COQ8A: variants seen among roughly 807,000 people sequenced by gnomAD.
COQ8A encodes coenzyme Q8A, also known as atypical kinase COQ8A, mitochondrial.
Under a neutral mutation model 65.0 loss-of-function variants are expected in COQ8A, and 51 were observed. The ratio of observed to expected loss-of-function variants is 0.78; its 90% confidence interval spans 0.63 to 0.99. The LOEUF (loss-of-function observed/expected upper bound fraction) is 0.99. Among genes scored for constraint, COQ8A ranks in the 50% least tolerant of loss-of-function variants. The pLI is 0.00. For missense variants in COQ8A, 940 were observed against 875.0 expected (o/e 1.07, Z -0.94); for synonymous variants, 371 against 353.2 (o/e 1.05, Z -0.57).
rs1334206335 is a variant in COQ8A, at chr1:226,965,662, T to TC, written c.589-6dup. The TC allele has an allele frequency of 6.2e-7, 1 of 1,613,836 alleles. No individual in the cohort carries two copies. The highest frequency in any genetic ancestry group is 1.3e-5 in the African/African-American group (1 of 74,924). The stretch of plus-strand genomic sequence containing the variant: ...TGATTCCACAGGTCTCTTTCTCGTC[T>TC]CCCTCCAGCTCAGCGAGCATGCCCG... On this transcript the variant is annotated splice_polypyrimidine_tract_variant and intron_variant, in intron 3 of 14. Transcript: ENST00000366777.
At chr1:226,951,002 G>C (rs1193682091) in intron 1 of COQ8A, among the ~76,000 whole-genome samples, 2 of 152,244 alleles carry the variant, frequency 1.3e-5, no homozygotes, top group East Asian at 3.8e-4. Context: ...GTACAGACCT[G>C]TGTGAGGGCC....
At chr1:226,984,259 T>A in intron 11 of COQ8A, 24 bp downstream of exon 11, 1 of 1,612,664 alleles carries the variant, frequency 6.2e-7, no homozygotes, top group Non-Finnish European at 8.5e-7. Flanking sequence ...AGCAGACAGG[T>A]GGGGCCAGGG....
intron 4 of COQ8A, 24 bp from the exon 5 acceptor site, chr1:226,977,425 G>C: frequency 1.3e-6 from 2 of 1,550,510 alleles, no homozygotes; most frequent in South Asian, 2.4e-5. Flanking sequence ...TGAGCACTGA[G>C]TGCCCGCCCC....
In COQ8A at chr1:226,986,482, C is replaced by A; in HGVS notation, c.1689C>A (p.Ile563=). Residue 563 remains isoleucine (I), a synonymous_variant, in exon 15 of 15, where the codon ATC becomes ATA. Coordinates refer to ENST00000366777, the MANE Select transcript of COQ8A (RefSeq NM_020247.5). The stretch of plus-strand genomic sequence containing the variant: ...TGGAAGACGCCCACTTGGATGCCAT[C>A]CTCATCCTGGGGGAGGCCTTCGCCT... ...KVMEDAHLDA[I]LILGEAFASD... 1 of 1,613,304 alleles carries A rather than the reference C, an allele frequency of 6.2e-7. No individual in the cohort carries two copies.
At chr1:226,981,484 G>A (rs985984054) in intron 5 of COQ8A, among the ~76,000 whole-genome samples, 1 of 152,252 alleles carries the variant, frequency 6.6e-6, no homozygotes, top group Non-Finnish European at 1.5e-5. Context: ...GGGCACCCCT[G>A]GGCTGTGCTG....
intron 5 of COQ8A, among the ~76,000 whole-genome samples, chr1:226,978,915 T>C (rs375833619): frequency 1.6e-4 from 16 of 97,976 alleles, no homozygotes; most frequent in African/African-American, 5.0e-4. Context: ...CTGCACCTCC[T>C]TACCCCTCCA....
chr1:226,976,862 T>C (rs889977924), intron 4 of COQ8A, among the ~76,000 whole-genome samples: 3 of 152,068 alleles, frequency 2.0e-5, no homozygotes, highest in Non-Finnish European at 4.4e-5. Flanking sequence ...GAGAGGGCCT[T>C]CCATTACCCA....
At chr1:226,961,696 TCC>T (rs1658264510) in intron 2 of COQ8A, 134 bp downstream of exon 2, 1 of 1,106,634 alleles carries the variant, frequency 9.0e-7, no homozygotes, top group African/African-American at 1.6e-5. Context: ...AGCTAATGTG[TCC>T]CACGGTCCTT....
At chr1:226,957,280 T>TC (rs1572032761) in intron 1 of COQ8A, among the ~76,000 whole-genome samples, 2 of 36,404 alleles carry the variant, frequency 5.5e-5, no homozygotes, top group African/African-American at 1.0e-4. Context: ...ACACTCTCCC[T>TC]GCCCCCCCCC....
chr1:226,978,556 C>T (rs1160942832), intron 5 of COQ8A, among the ~76,000 whole-genome samples: 1 of 96,460 alleles, frequency 1.0e-5, no homozygotes, highest in African/African-American at 2.9e-5. Context: ...TCCACACACC[C>T]CCCACAGCCA....
intron 14 of COQ8A, among the ~76,000 whole-genome samples, chr1:226,986,208 G>A (rs1000952543): frequency 3.9e-5 from 6 of 152,076 alleles, no homozygotes; most frequent in African/African-American, 1.4e-4. Flanking sequence ...GCCACGAGGC[G>A]GGACGCATCC....
At position 226,949,196 on chromosome 1, in the gene COQ8A, G is replaced by A. The variant is rs1341211862; in HGVS notation, c.-10+8797G>A. 6.6e-6 allele frequency among the ~76,000 whole-genome samples: 1 copy of A among 151,896 alleles called. No individual in the cohort carries two copies. Among genetic ancestry groups the A allele is most frequent in the Non-Finnish European group, 1.5e-5 (1 of 68,002 alleles). ...GCGCTCACATGGCTCGCGCGTAGCT[G>A]GAGGCTGGAAAGGAGGCCGGGGGCC... On this transcript the variant is annotated intron_variant, in intron 1 of 14. Transcript: ENST00000366777. The surrounding 1 kb of genome is among the most constrained non-coding windows in gnomAD (Gnocchi z 4.0).
chr1:226,940,476 C>T (rs1484076065), intron 1 of COQ8A, 77 bp downstream of exon 1: 1 of 152,412 alleles, frequency 6.6e-6, no homozygotes. Flanking sequence ...CAACACCCAC[C>T]TCAGCCCTTC....
At chr1:226,970,997 A>G (rs1658874874) in intron 4 of COQ8A, among the ~76,000 whole-genome samples, 1 of 152,028 alleles carries the variant, frequency 6.6e-6, no homozygotes, top group Non-Finnish European at 1.5e-5. Flanking sequence ...CTGGAGTGCA[A>G]TGGCGTGATC....
chr1:226,961,232 C>T (rs2148051162), intron 1 of COQ8A, 145 bp from the exon 2 acceptor site: 6 of 850,322 alleles, frequency 7.1e-6, no homozygotes, highest in Non-Finnish European at 1.1e-5. Flanking sequence ...AGCCCTGGGC[C>T]CTTTCTTATC....
Position 226,986,716 on chromosome 1 carries a change from C to G in COQ8A, c.1923C>G (p.Cys641Trp). The change falls in exon 15 of 15, where the codon TGC (cysteine) becomes TGG (tryptophan). Residue 641 changes from cysteine to tryptophan, a missense_variant. Physicochemically the swap from Cys to Trp is radical, Grantham distance 215. Coordinates refer to ENST00000366777, the MANE Select transcript of COQ8A (RefSeq NM_020247.5). ...AMFEEAYSNY[C>W]KRQAQQ ...TCGAGGAGGCCTACAGCAACTACTG[C>G]AAGAGGCAGGCCCAGCAGTAGGGCT... 6.2e-7 allele frequency: 1 copy of G among 1,613,660 alleles called. No individual in the cohort carries two copies. Among genetic ancestry groups the G allele is most frequent in the Non-Finnish European group, 8.5e-7 (1 of 1,180,032 alleles).
At chr1:226,977,780 A>G (rs1005320682) in intron 5 of COQ8A, among the ~76,000 whole-genome samples, 22 of 152,054 alleles carry the variant, frequency 1.4e-4, no homozygotes, top group Admixed American at 4.6e-4. Flanking sequence ...GGCTGCCTGC[A>G]CATCCACACG....
intron 5 of COQ8A, among the ~76,000 whole-genome samples, chr1:226,981,508 C>T (rs1177250227): frequency 1.3e-5 from 2 of 152,230 alleles, no homozygotes; most frequent in Admixed American, 6.5e-5. Flanking sequence ...TTGGCCTGAG[C>T]GCCGTTCCCT....
At position 226,965,322 on chromosome 1, in the gene COQ8A, A is replaced by G. The variant is rs1437802131; in HGVS notation, c.500A>G (p.Gln167Arg). The G allele has an allele frequency of 5.0e-6, 8 of 1,613,606 alleles. No individual in the cohort carries two copies. The highest frequency in any genetic ancestry group is 6.8e-6 in the Non-Finnish European group (8 of 1,179,984). ...GFQRRFFHQD[Q>R]SPVGGLTAED... is the part of the protein sequence containing the mutation. Reference sequence around the variant, plus strand: ...CAGCGAAGGTTCTTCCACCAGGACCAATCCCCTGTTGGGGGCCTCACAGCC... The same window carrying G: ...CAGCGAAGGTTCTTCCACCAGGACCGATCCCCTGTTGGGGGCCTCACAGCC... Residue 167 changes from glutamine (Q) to arginine (R), a missense_variant, in exon 3 of 15, where the codon CAA becomes CGA. Coordinates refer to ENST00000366777, the MANE Select transcript of COQ8A (RefSeq NM_020247.5).
Sources: allele counts gnomAD v4.1 joint callset (sites outside exome capture counted in the v4.1 genomes callset), GRCh38; gene constraint gnomAD v4.1.1; non-coding constraint Gnocchi (gnomAD v3.1); transcripts MANE v1.5; gene names NCBI Gene and HGNC (gene_info 2026-07-23, HGNC 2026-07-21).